The following NECTIN4 variants were observed in gnomAD, a reference collection of about 807,000 sequenced individuals.
NECTIN4 encodes the protein nectin cell adhesion molecule 4, also known as nectin-4.
Under a neutral mutation model 51.7 loss-of-function variants are expected in NECTIN4, and 19 were observed. The ratio of observed to expected loss-of-function variants is 0.37; its 90% CI spans 0.26 to 0.54. The LOEUF (loss-of-function observed/expected upper bound fraction) is 0.54. Ranked by LOEUF, NECTIN4 falls within the 20% of genes least tolerant of loss-of-function variation. The probability of loss-of-function intolerance (pLI) is 0.86; values close to 1 mark genes in which losing one functional copy is unlikely to be tolerated. For missense variants in NECTIN4, 619 were observed against 662.4 expected, an observed-to-expected ratio of 0.93 and a Z score of 0.72; for synonymous variants, 283 against 286.9, an observed-to-expected ratio of 0.99 and a Z score of 0.14.
intron 1 of NECTIN4, among the ~76,000 whole-genome samples, chr1:161,082,268 C>T (rs1653713334): frequency 6.6e-6 from 1 of 152,028 alleles, no homozygotes. Context: ...GTGGAGGTTG[C>T]AGTGAGCTAA....
intron 8 of NECTIN4, 92 bp downstream of exon 8, chr1:161,073,133 A>G: frequency 8.8e-7 from 1 of 1,139,312 alleles, no homozygotes; most frequent in Non-Finnish European, 1.3e-6. Context: ...GGAAAGAGGG[A>G]CTGGTAAGGG....
chr1:161,072,423 G>C lies in NECTIN4; in HGVS notation c.*238C>G. 3.3e-6 allele frequency: 2 copies of C among 598,838 alleles called. No homozygotes were observed. The highest frequency in any genetic ancestry group is 6.0e-6 in the Non-Finnish European group (2 of 331,508). The allele number at this position is 598,838 out of a possible 1,614,324, so 37.1% of individuals were successfully genotyped here. On this transcript the variant is annotated 3_prime_UTR_variant, in exon 9 of 9. Coordinates refer to ENST00000368012, the MANE Select transcript of NECTIN4 (RefSeq NM_030916.3). Reference sequence around the variant, plus strand: ...TCACCCCTCCACACACACACAGTCAGTCAACACTCACACAGGCACACATGC... The same window carrying C: ...TCACCCCTCCACACACACACAGTCACTCAACACTCACACAGGCACACATGC...
At chr1:161,077,427 C>A in intron 3 of NECTIN4, 26 bp downstream of exon 3, 1 of 1,613,530 alleles carries the variant, frequency 6.2e-7, no homozygotes, top group Non-Finnish European at 8.5e-7. Context: ...CCTTGGGCCT[C>A]CCTACCCAAG....
rs559046934 is a variant in NECTIN4, at chr1:161,076,992, G to A, written c.730+461C>T. 3.1e-4 allele frequency among the ~76,000 whole-genome samples: 17 copies of A among 54,446 alleles called. No individual in the cohort carries two copies. In the South Asian group the frequency reaches 8.5e-3, roughly 27 times the overall value. The allele number at this position is 54,446 out of a possible 152,430, so 35.7% of individuals were successfully genotyped here. Reference sequence around the variant, plus strand: ...CTTCCATGCGCTAAGCACTGTGTGAGTTGCTCTGCATTCATAGTTTCTAAT... The same window carrying A: ...CTTCCATGCGCTAAGCACTGTGTGAATTGCTCTGCATTCATAGTTTCTAAT... On this transcript the variant is annotated intron_variant, in intron 3 of 8. Transcript: ENST00000368012.
intron 8 of NECTIN4, 110 bp from the exon 9 acceptor site, chr1:161,072,995 C>T (rs905072500): frequency 7.8e-6 from 9 of 1,146,868 alleles, no homozygotes; most frequent in East Asian, 2.6e-5. Flanking sequence ...GCAGGGGTAA[C>T]GGTTGCCTCA....
chr1:161,089,466 A>G lies in NECTIN4; in HGVS notation c.-170T>C. ...CCAGCCCCAGCCCCGGCCCCGTTCT[A>G]CACACCCAGCCGTAGCTACCCCCAA... On this transcript the variant is annotated 5_prime_UTR_variant, in exon 1 of 9. Transcript: ENST00000368012. This position sits in a 1 kb window ranked among gnomAD's most constrained non-coding sequence, Gnocchi z 4.1. 1 of 660,252 alleles carries G rather than the reference A, an allele frequency of 1.5e-6. No homozygotes were observed. Among genetic ancestry groups the G allele is most frequent in the South Asian group, 1.7e-5 (1 of 60,022 alleles). The allele number at this position is 660,252 out of a possible 1,614,324, so 40.9% of individuals were successfully genotyped here.
rs1435955353 is a variant in NECTIN4 at position 161,071,396 on chromosome 1, C to A, written c.*1265G>T. The A allele has an allele frequency of 1.3e-5, 2 of 152,242 alleles. No individual in the cohort carries two copies. The highest frequency in any genetic ancestry group is 1.3e-4 in the Admixed American group (2 of 15,266). The allele number at this position is 152,242 out of a possible 1,614,324, so 9.4% of individuals were successfully genotyped here. A position where few individuals can be genotyped will look rare whatever the true frequency, so the allele number is the denominator to read the frequency against. ...CTACTCTCTCGGTCTATAATCACTG[C>A]TCTCTCTCTCCCCAACACCACTATT... On this transcript the variant is annotated 3_prime_UTR_variant, in exon 9 of 9. Coordinates refer to ENST00000368012, the MANE Select transcript of NECTIN4 (RefSeq NM_030916.3).
Position 161,077,686 on chromosome 1 carries a change from G to A in NECTIN4, c.497C>T (p.Thr166Ile). Residue 166 changes from threonine (T) to isoleucine (I), a missense_variant, in exon 3 of 9, where the codon ACC (threonine) becomes ATC (isoleucine). By Grantham distance (89) the Thr-to-Ile change is moderately conservative. This residue lies in a region of NECTIN4 where 37 missense variants were observed against 60.3 expected (regional missense o/e 0.61). Transcript: ENST00000368012. ...GPALEEGQGLTLAASCTAEGS... is the reference protein window; with the variant it reads ...GPALEEGQGLILAASCTAEGS... ...CTCAGCTGTGCAGGAGGCTGCCAGGGTCAGGCCCTGGCCCTCTTCTAGTGC... is the reference window on the plus strand; with the variant it reads ...CTCAGCTGTGCAGGAGGCTGCCAGGATCAGGCCCTGGCCCTCTTCTAGTGC... The A allele has an allele frequency of 1.9e-6, 3 of 1,613,074 alleles. No homozygotes were observed. In the East Asian group the frequency reaches 6.7e-5, roughly 36 times the overall value.
At chr1:161,083,503 C>T (rs1653790474) in intron 1 of NECTIN4, among the ~76,000 whole-genome samples, 1 of 152,182 alleles carries the variant, frequency 6.6e-6, no homozygotes, top group Non-Finnish European at 1.5e-5. Context: ...GGTGGCCAGG[C>T]CAGGCCAAGC....
In NECTIN4 at chr1:161,079,570, AC is replaced by A; in HGVS notation, c.439+19del. Reference sequence around the variant, plus strand: ...CTGCATCCACAGCGGCTCAGACCGTACCCAGAGATCCCCGCTTACCCAGCAC... The same window carrying A: ...CTGCATCCACAGCGGCTCAGACCGTACCAGAGATCCCCGCTTACCCAGCAC... On this transcript the variant is annotated intron_variant, in intron 2 of 8. Coordinates refer to ENST00000368012, the MANE Select transcript of NECTIN4 (RefSeq NM_030916.3). 1 of 1,601,726 alleles carries A rather than the reference AC, an allele frequency of 6.2e-7. No individual in the cohort carries two copies.
At chr1:161,073,360 C>CGA in intron 7 of NECTIN4, 61 bp from the exon 8 acceptor site, 3 of 1,392,620 alleles carry the variant, frequency 2.2e-6, no homozygotes, top group Non-Finnish European at 3.0e-6. Flanking sequence ...TCAGCCTCTT[C>CGA]CCCTCTTGTC....
chr1:161,085,955 G>A (rs886068108), intron 1 of NECTIN4, among the ~76,000 whole-genome samples: 15 of 152,264 alleles, frequency 9.9e-5, no homozygotes, highest in Middle Eastern at 3.4e-3. Flanking sequence ...AAAGTGCTGG[G>A]ATTATAGGCG....
rs2101652555 is a variant in NECTIN4 at position 161,071,079 on chromosome 1, G to A, written c.*1582C>T. 1 of 152,310 alleles carries A rather than the reference G, an allele frequency of 6.6e-6. No individual in the cohort carries two copies. Among genetic ancestry groups the A allele is most frequent in the South Asian group, 2.1e-4 (1 of 4,824 alleles). The allele number at this position is 152,310 out of a possible 1,614,324, so 9.4% of individuals were successfully genotyped here. On this transcript the variant is annotated 3_prime_UTR_variant, in exon 9 of 9. Transcript: ENST00000368012. Reference sequence around the variant, plus strand: ...TATTTACATAAAATGTACATGTTAGGATCTTAGATCTTCAGGCTCCACATT... The same window carrying A: ...TATTTACATAAAATGTACATGTTAGAATCTTAGATCTTCAGGCTCCACATT...
At chr1:161,084,837 G>C (rs866392359) in intron 1 of NECTIN4, 1 of 151,844 alleles carries the variant, frequency 6.6e-6, no homozygotes, top group Non-Finnish European at 1.5e-5. Flanking sequence ...GTGTGGGTTT[G>C]GGGGGGTGAG....
intron 1 of NECTIN4, among the ~76,000 whole-genome samples, chr1:161,082,217 T>A (rs1653709904): frequency 1.3e-5 from 2 of 152,120 alleles, no homozygotes. Context: ...TAGTCCCAGC[T>A]ACTCGGGAGG....
intron 1 of NECTIN4, among the ~76,000 whole-genome samples, chr1:161,085,746 TAG>T (rs1653917340): frequency 6.7e-6 from 1 of 149,748 alleles, no homozygotes; most frequent in Non-Finnish European, 1.5e-5. Flanking sequence ...TCACCCAGGC[TAG>T]AGTGTAGTGG....
chr1:161,076,025 G>A (rs1318652738), intron 4 of NECTIN4, among the ~76,000 whole-genome samples: 2 of 150,754 alleles, frequency 1.3e-5, no homozygotes, highest in African/African-American at 4.9e-5. Flanking sequence ...TCAGTGAGCC[G>A]AGATCATGCC....
intron 2 of NECTIN4, among the ~76,000 whole-genome samples, chr1:161,078,281 T>A (rs1571150220): frequency 1.6e-5 from 2 of 121,802 alleles, no homozygotes; most frequent in South Asian, 2.8e-4. Context: ...ATAAAAACCT[T>A]TATTTTATGT....
At position 161,073,723 on chromosome 1, in the gene NECTIN4, G is replaced by T; in HGVS notation, c.1230C>A (p.Ser410Arg). ...TACACCCAACCTTGGCACACACCTG[G>T]CTCCTGGGGTCCGTGTGATGGGAAT... ...RLHSHHTDPRSQPEESVGLRA... is the reference protein window; with the variant it reads ...RLHSHHTDPRRQPEESVGLRA... The change falls in exon 7 of 9, where the codon AGC becomes AGA. Residue 410 changes from serine to arginine, a missense_variant. By Grantham distance (110) the Ser-to-Arg change is moderately radical. This residue lies in a region of NECTIN4 where 364 missense variants were observed against 415.7 expected (regional missense o/e 0.88). Coordinates refer to ENST00000368012, the MANE Select transcript of NECTIN4 (RefSeq NM_030916.3). The T allele has an allele frequency of 6.2e-7, 1 of 1,613,946 alleles. No homozygotes were observed. Among genetic ancestry groups the T allele is most frequent in the African/African-American group, 1.3e-5 (1 of 75,042 alleles).
Sources: gnomAD v4.1 joint callset for allele counts (sites outside exome capture counted in the v4.1 genomes callset) on GRCh38, gnomAD v4.1.1 for gene constraint, gnomAD v4.1.1 regional missense constraint, Gnocchi (gnomAD v3.1) non-coding constraint, MANE v1.5 for transcripts, NCBI Gene and HGNC (gene_info 2026-07-23, HGNC 2026-07-21) for gene names.